The following STPG2 variants were observed in gnomAD, a reference collection of about 807,000 sequenced individuals.
STPG2 encodes the protein sperm tail PG-rich repeat containing 2, also known as sperm-tail PG-rich repeat-containing protein 2.
Under a neutral mutation model 54.2 loss-of-function variants are expected in STPG2, and 56 were observed. That is an observed-to-expected ratio of 1.03 (90% CI 0.83 to 1.29). The LOEUF is 1.29. STPG2 is among the 50% of genes most tolerant of loss of function. STPG2 has a pLI of 0.00. For synonymous variants in STPG2, 200 were observed against 181.8 expected (o/e 1.10, Z -0.81); for missense variants, 596 against 544.9 (o/e 1.09, Z -0.93).
intron 7 of STPG2, among the ~76,000 whole-genome samples, chr4:97,970,114 C>A (rs188855313): frequency 1.5e-3 from 233 of 152,178 alleles, no homozygotes; most frequent in African/African-American, 5.5e-3. Flanking sequence ...ATGTGAAGAA[C>A]CTCTTCAAGG....
chr4:97,751,968 C>T (rs1348198394), intron 9 of STPG2, among the ~76,000 whole-genome samples: 1 of 151,672 alleles, frequency 6.6e-6, no homozygotes, highest in Non-Finnish European at 1.5e-5. Flanking sequence ...TGATAATGTT[C>T]CGGACTCCCA....
chr4:98,072,441 T>G (rs1000118261), intron 5 of STPG2, among the ~76,000 whole-genome samples: 21 of 152,196 alleles, frequency 1.4e-4, no homozygotes, highest in African/African-American at 5.1e-4. Flanking sequence ...GAATAACAGC[T>G]AATGGATGTT....
At chr4:97,906,144 G>C (rs1260305176) in intron 8 of STPG2, among the ~76,000 whole-genome samples, 1 of 152,160 alleles carries the variant, frequency 6.6e-6, no homozygotes, top group East Asian at 1.9e-4. Context: ...AAAAAAGAGA[G>C]AAGAATCAAA....
intron 10 of STPG2, among the ~76,000 whole-genome samples, chr4:97,693,135 A>AT (rs1413369053): frequency 2.4e-5 from 3 of 126,804 alleles, no homozygotes; most frequent in African/African-American, 3.6e-5. Flanking sequence ...AATAACAATG[A>AT]TAAAAAAAAA....
In STPG2 at chr4:97,775,512, A is replaced by G. The variant is rs574597808; in HGVS notation, c.1205-62698T>C. Among the ~76,000 whole-genome samples the G allele has an allele frequency of 2.6e-5, 4 of 152,346 alleles. No individual in the cohort carries two copies. In the East Asian group the frequency reaches 7.7e-4, roughly 29 times the overall value. On this transcript the variant is annotated intron_variant, in intron 9 of 10. Coordinates refer to ENST00000295268, the MANE Select transcript of STPG2 (RefSeq NM_174952.3). Reference sequence around the variant, plus strand: ...TATTTACCAAACACTACACTTGGTTACTGAATGTACAATGGCAAACAAGAG... The same window carrying G: ...TATTTACCAAACACTACACTTGGTTGCTGAATGTACAATGGCAAACAAGAG...
At chr4:97,472,269 G>A (rs1729956059) in intron 4 of STPG2, among the ~76,000 whole-genome samples, 1 of 152,204 alleles carries the variant, frequency 6.6e-6, no homozygotes, top group South Asian at 2.1e-4. Flanking sequence ...TGTAATTGAT[G>A]AATTGCTGGA....
intron 9 of STPG2, among the ~76,000 whole-genome samples, chr4:97,778,640 T>G (rs1726475924): frequency 6.6e-6 from 1 of 152,158 alleles, no homozygotes. Context: ...CCTCCCCAAG[T>G]GGGTCCCTGA....
At chr4:97,612,692 G>C (rs1335756446) in intron 10 of STPG2, among the ~76,000 whole-genome samples, 1 of 152,056 alleles carries the variant, frequency 6.6e-6, no homozygotes, top group Non-Finnish European at 1.5e-5. Context: ...AAAAGGATCA[G>C]ACAGATTTTA....
At chr4:97,745,270 A>G (rs1366695495) in intron 9 of STPG2, among the ~76,000 whole-genome samples, 1 of 150,806 alleles carries the variant, frequency 6.6e-6, no homozygotes, top group African/African-American at 2.4e-5. Context: ...AAACAAAAAA[A>G]AAAACAATTG....
chr4:98,097,633 C>A (rs1429028583), intron 5 of STPG2, among the ~76,000 whole-genome samples: 1 of 152,014 alleles, frequency 6.6e-6, no homozygotes, highest in Non-Finnish European at 1.5e-5. Context: ...CTAGAGAAAT[C>A]AGACAAGAGA....
At position 97,473,054 on chromosome 4, in the gene STPG2, A is replaced by T. The variant is rs180798174; in HGVS notation, c.462+239645T>A. ...ATTTCCTATGCCTGTCTTTACTTTAATCTCTTAATCCTGTCATCTCGTAAG... is the reference window on the plus strand; with the variant it reads ...ATTTCCTATGCCTGTCTTTACTTTATTCTCTTAATCCTGTCATCTCGTAAG... On this transcript the variant is annotated intron_variant, in intron 4 of 4. Coordinates refer to the STPG2 transcript ENST00000522676. Among the ~76,000 whole-genome samples, 281 of 152,208 alleles carry T rather than the reference A, an allele frequency of 1.8e-3. 1 individual carries two copies. The highest frequency in any genetic ancestry group is 6.5e-3 in the African/African-American group (268 of 41,540).
chr4:97,638,572 A>G (rs1389951887), intron 10 of STPG2, among the ~76,000 whole-genome samples: 1 of 150,776 alleles, frequency 6.6e-6, no homozygotes, highest in African/African-American at 2.5e-5. Flanking sequence ...ACAAAATGGG[A>G]GAAAATTTTT....
chr4:98,059,528 A>C (rs1353531317), intron 5 of STPG2, among the ~76,000 whole-genome samples: 1 of 152,010 alleles, frequency 6.6e-6, no homozygotes, highest in Non-Finnish European at 1.5e-5. Flanking sequence ...TATTGAGGAA[A>C]GACTCCTCCC....
chr4:98,036,096 AAAAT>A (rs1199649992), intron 5 of STPG2, among the ~76,000 whole-genome samples: 2 of 152,128 alleles, frequency 1.3e-5, no homozygotes, highest in African/African-American at 2.4e-5. Context: ...AAGTATAATA[AAAAT>A]AAATAAATTT....
chr4:97,565,411 T>A (rs908423223), intron 10 of STPG2, among the ~76,000 whole-genome samples: 2 of 152,226 alleles, frequency 1.3e-5, no homozygotes, highest in Non-Finnish European at 2.9e-5. Flanking sequence ...AGTTTGATCA[T>A]CTGAAGCCTT....
chr4:97,679,397 T>A (rs1236307809), intron 10 of STPG2, among the ~76,000 whole-genome samples: 1 of 152,180 alleles, frequency 6.6e-6, no homozygotes, highest in African/African-American at 2.4e-5. Context: ...CAATTTTTCA[T>A]GTGTTTCTTG....
chr4:98,009,995 T>A (rs1304225385), intron 5 of STPG2, among the ~76,000 whole-genome samples: 1 of 152,022 alleles, frequency 6.6e-6, no homozygotes, highest in Non-Finnish European at 1.5e-5. Context: ...TCTCCTATCA[T>A]TTTTTCTTAG....
chr4:97,667,133 C>T lies in STPG2; in HGVS notation c.1320+45566G>A, dbSNP rs142321333. 5.7e-3 allele frequency among the ~76,000 whole-genome samples: 864 copies of T among 152,302 alleles called. 4 individuals carry two copies. The highest frequency in any genetic ancestry group is 0.02 in the South Asian group (98 of 4,822). On this transcript the variant is annotated intron_variant, in intron 10 of 10. Coordinates refer to ENST00000295268, the MANE Select transcript of STPG2 (RefSeq NM_174952.3). ...AAAATTGAAAATAAATATCCCCAAA[C>T]TACTGAATCAGAATCATCCACAGTG... is the stretch of plus-strand genomic sequence containing the variant.
intron 8 of STPG2, among the ~76,000 whole-genome samples, chr4:97,943,223 C>T (rs1217656718): frequency 1.3e-5 from 2 of 152,098 alleles, no homozygotes; most frequent in Non-Finnish European, 2.9e-5. Context: ...CAGAAAGTGC[C>T]ACCTCCTAAT....
Sources: gnomAD v4.1 joint callset for allele counts (sites outside exome capture counted in the v4.1 genomes callset) on GRCh38, gnomAD v4.1.1 for gene constraint, MANE v1.5 for transcripts, NCBI Gene and HGNC (gene_info 2026-07-23, HGNC 2026-07-21) for gene names.